Variants in ADAMTSL1 observed in about 807,000 individuals in gnomAD.
The protein encoded by ADAMTSL1 is ADAMTS like 1, also known as ADAMTS-like protein 1.
In ADAMTSL1, 126 loss-of-function variants were observed where a neutral mutation model predicts 201.8. The observed-to-expected ratio is 0.62, with a 90% CI of 0.54 to 0.72. The LOEUF is 0.72. ADAMTSL1 is among the 30% of genes least tolerant of loss of function. ADAMTSL1 has a pLI of 0.00. For synonymous variants in ADAMTSL1, 1,121 were observed against 903.4 expected (o/e 1.24, Z -4.32); for missense variants, 2,679 against 2,277.8 (o/e 1.18, Z -3.59).
chr9:17,908,937 A>G (rs1825828129), intron 1 of ADAMTSL1, among the ~76,000 whole-genome samples: 1 of 151,750 alleles, frequency 6.6e-6, no homozygotes. Context: ...AGTCCCACCA[A>G]CAGTGTAAAA....
intron 4 of ADAMTSL1, among the ~76,000 whole-genome samples, chr9:18,584,831 G>A (rs141266544): frequency 6.6e-6 from 1 of 152,292 alleles, no homozygotes; most frequent in African/African-American, 2.4e-5. Context: ...ATCCATGGAT[G>A]ATGTAGCAAG....
chr9:18,323,115 G>C (rs991451948), intron 2 of ADAMTSL1, among the ~76,000 whole-genome samples: 3 of 152,080 alleles, frequency 2.0e-5, no homozygotes, highest in African/African-American at 7.2e-5. Context: ...ACTGTATCTC[G>C]TAAATGTTTG....
chr9:18,498,921 C>G (rs1459974249), intron 1 of ADAMTSL1, among the ~76,000 whole-genome samples: 1 of 152,250 alleles, frequency 6.6e-6, no homozygotes, highest in Non-Finnish European at 1.5e-5. Context: ...CCCAGTTTTC[C>G]CTCACCATCA....
chr9:18,218,810 C>G (rs1444829459), intron 2 of ADAMTSL1, among the ~76,000 whole-genome samples: 1 of 151,722 alleles, frequency 6.6e-6, no homozygotes, highest in Non-Finnish European at 1.5e-5. Context: ...GCTTTTAATT[C>G]TTGTGTAAAA....
intron 1 of ADAMTSL1, among the ~76,000 whole-genome samples, chr9:17,957,980 C>T (rs80053393): frequency 0.012 from 1,811 of 152,254 alleles, 35 homozygotes; most frequent in African/African-American, 0.041. Flanking sequence ...TTGTTTGAAG[C>T]CTCCCAGTTT....
chr9:18,088,057 A>G (rs75660663), intron 1 of ADAMTSL1, among the ~76,000 whole-genome samples: 2,151 of 152,300 alleles, frequency 0.014, 50 homozygotes, highest in African/African-American at 0.049. Context: ...GTACAGACAT[A>G]CAGACCAATG....
At chr9:18,660,157 A>C (rs1408432163) in intron 8 of ADAMTSL1, among the ~76,000 whole-genome samples, 4 of 152,236 alleles carry the variant, frequency 2.6e-5, no homozygotes, top group Non-Finnish European at 5.9e-5. Flanking sequence ...TCTTGCTTCA[A>C]AGGAAACCTT....
Position 18,890,934 on chromosome 9 carries a change from C to CAAATGAAAT in ADAMTSL1, c.4643+1189_4643+1197dup. 2.3e-5 allele frequency: 3 copies of CAAATGAAAT among 128,534 alleles called. 1 individual carries two copies. In the South Asian group the frequency reaches 2.7e-4, roughly 12 times the overall value. 8.0% of individuals were successfully genotyped at this position (128,534 alleles called of 1,614,324 possible). A position where few individuals can be genotyped will look rare whatever the true frequency, so the allele number is the denominator to read the frequency against. On this transcript the variant is annotated intron_variant, in intron 25 of 28. Coordinates refer to ENST00000380548, the MANE Select transcript of ADAMTSL1 (RefSeq NM_001040272.6). ...AGTCAATCAGCTTAATTTACTTCTG[C>CAAATGAAAT]AAATGAAATAATGGCTCTGTTTTCT...
intron 2 of ADAMTSL1, among the ~76,000 whole-genome samples, chr9:18,415,340 C>T (rs1818627061): frequency 6.6e-6 from 1 of 152,018 alleles, no homozygotes; most frequent in South Asian, 2.1e-4. Flanking sequence ...GAAGTGTAGA[C>T]ATAGAAGATG....
chr9:18,558,064 GT>G (rs1291168591), intron 3 of ADAMTSL1, among the ~76,000 whole-genome samples: 1 of 152,152 alleles, frequency 6.6e-6, no homozygotes, highest in East Asian at 1.9e-4. Flanking sequence ...GAACGTGCAG[GT>G]TTGTTACATT....
chr9:18,328,825 G>T (rs1268043509), intron 2 of ADAMTSL1, among the ~76,000 whole-genome samples: 2 of 152,162 alleles, frequency 1.3e-5, no homozygotes, highest in African/African-American at 4.8e-5. Context: ...GACCCTGGAG[G>T]ATACAGAGTA....
chr9:18,292,823 A>C (rs1833327243), intron 2 of ADAMTSL1, among the ~76,000 whole-genome samples: 1 of 152,184 alleles, frequency 6.6e-6, no homozygotes. Flanking sequence ...AGACTGATCC[A>C]CCACTAGCTT....
At chr9:18,747,629 C>A (rs1012634485) in intron 15 of ADAMTSL1, among the ~76,000 whole-genome samples, 1 of 152,108 alleles carries the variant, frequency 6.6e-6, no homozygotes, top group African/African-American at 2.4e-5. Context: ...AGGAATAATG[C>A]ATTTAAAGCA....
At chr9:18,502,591 A>C (rs1464972012) in intron 1 of ADAMTSL1, among the ~76,000 whole-genome samples, 1 of 152,178 alleles carries the variant, frequency 6.6e-6, no homozygotes, top group East Asian at 1.9e-4. Context: ...TTAAGGATTG[A>C]TTTTAATAAT....
chr9:18,229,782 A>G (rs945138861), intron 2 of ADAMTSL1, among the ~76,000 whole-genome samples: 7 of 150,250 alleles, frequency 4.7e-5, no homozygotes, highest in Admixed American at 2.0e-4. Flanking sequence ...TGCAACCTCC[A>G]CCTCCCGGGT....
intron 23 of ADAMTSL1, among the ~76,000 whole-genome samples, chr9:18,853,889 C>CTGTGTGTGTGTGTGTGTGTG (rs71333070): frequency 9.1e-5 from 11 of 120,366 alleles, no homozygotes; most frequent in African/African-American, 2.9e-4. Flanking sequence ...TATTCACTCT[C>CTGTGTGTGTGTGTGTGTGTG]TGTGTGTGTG....
intron 5 of ADAMTSL1, among the ~76,000 whole-genome samples, chr9:18,633,865 A>G (rs1826937596): frequency 6.6e-6 from 1 of 151,980 alleles, no homozygotes; most frequent in African/African-American, 2.4e-5. Flanking sequence ...TTCTCATTCA[A>G]CAGATAATGT....
At chr9:18,758,840 G>A (rs2133646123) in intron 16 of ADAMTSL1, among the ~76,000 whole-genome samples, 1 of 152,306 alleles carries the variant, frequency 6.6e-6, no homozygotes, top group East Asian at 1.9e-4. Context: ...TATATTGTGA[G>A]TGAAGCACTT....
intron 14 of ADAMTSL1, among the ~76,000 whole-genome samples, chr9:18,721,228 T>C (rs1344721439): frequency 6.6e-6 from 1 of 152,212 alleles, no homozygotes; most frequent in Non-Finnish European, 1.5e-5. Context: ...GTTCCAGCAT[T>C]GGTGGCATTA....
Sources: allele counts gnomAD v4.1 joint callset (sites outside exome capture counted in the v4.1 genomes callset), GRCh38; gene constraint gnomAD v4.1.1; transcripts MANE v1.5; gene names NCBI Gene and HGNC (gene_info 2026-07-23, HGNC 2026-07-21).